Variants in CRYAB observed in about 807,000 individuals in gnomAD.
CRYAB encodes the protein crystallin alpha B.
Under a neutral mutation model 12.7 loss-of-function variants are expected in CRYAB, and 9 were observed. The ratio of observed to expected loss-of-function variants is 0.71; its 90% CI spans 0.43 to 1.24. The LOEUF is 1.24. Ranked by LOEUF, CRYAB falls within the 50% of genes most tolerant of loss-of-function variation. The pLI is 0.00. For missense variants in CRYAB, 183 were observed against 226.6 expected (o/e 0.81, Z 1.24); for synonymous variants, 93 against 86.8 (o/e 1.07, Z -0.40).
At chr11:111,921,143 T>A (rs1309861514) in intron 1 of CRYAB, among the ~76,000 whole-genome samples, 1 of 152,238 alleles carries the variant, frequency 6.6e-6, no homozygotes, top group Non-Finnish European at 1.5e-5. Context: ...TCATTATATT[T>A]AGATAGACAA....
At chr11:111,911,376 A>C in intron 1 of CRYAB, 148 bp downstream of exon 1, 1 of 728,894 alleles carries the variant, frequency 1.4e-6, no homozygotes, top group East Asian at 2.7e-5. Context: ...ATGGGGGAGG[A>C]AGGCACTAGC....
chr11:111,922,803 G>A lies in CRYAB; in HGVS notation c.-199+900C>T, dbSNP rs946574578. Among the ~76,000 whole-genome samples, 13 of 152,292 alleles carry A rather than the reference G, an allele frequency of 8.5e-5. No individual in the cohort carries two copies. In the East Asian group the frequency reaches 2.5e-3, roughly 29 times the overall value. On this transcript the variant is annotated intron_variant, in intron 1 of 3. Coordinates refer to the CRYAB transcript ENST00000527950. ...TAATTATTTCTTAGGATATGGAATT[G>A]CTACATCAGAGGGTATACACATTTA...
At chr11:111,915,240 A>G (rs782439796), upstream of CRYAB, among the ~76,000 whole-genome samples, 75 of 152,232 alleles carry the variant, frequency 4.9e-4, no homozygotes, top group Admixed American at 1.2e-3. Flanking sequence ...CTTAAGACCC[A>G]TTCACATACC....
At chr11:111,923,498 G>A (rs1309016832) in intron 1 of CRYAB, among the ~76,000 whole-genome samples, 2 of 152,178 alleles carry the variant, frequency 1.3e-5, no homozygotes, top group Non-Finnish European at 2.9e-5. Flanking sequence ...GGCAAGAGTT[G>A]GAAATGTACT....
intron 1 of CRYAB, chr11:111,910,796 C>T: frequency 2.6e-6 from 1 of 377,752 alleles, no homozygotes; most frequent in Non-Finnish European, 5.0e-6. Flanking sequence ...AAGGCCTCTT[C>T]TTCTGGCTCA....
chr11:111,908,878 T>C lies in CRYAB; in HGVS notation c.414A>G (p.Ser138=). ...VDPLTITSSL[S]SDGVLTVNGP... ...CATTCACAGTGAGGACCCCATCAGA[T>C]GACAGGGATGAAGTAATGGTGAGAG... The change falls in exon 3 of 3, where the codon TCA becomes TCG. Residue 138 remains serine, a synonymous_variant. Coordinates refer to ENST00000650687, the MANE Select transcript of CRYAB (RefSeq NM_001289808.2). The C allele has an allele frequency of 2.5e-6, 4 of 1,614,114 alleles. No individual in the cohort carries two copies. The highest frequency in any genetic ancestry group is 3.4e-6 in the Non-Finnish European group (4 of 1,180,020).
intron 1 of CRYAB, chr11:111,918,661 G>A (rs1555166252): frequency 2.9e-6 from 2 of 680,868 alleles, no homozygotes; most frequent in Admixed American, 4.1e-5. Context: ...GAAACCAAGA[G>A]CCCTTTTCTA....
chr11:111,913,186 C>A, upstream of CRYAB: 2 of 605,512 alleles, frequency 3.3e-6, no homozygotes, highest in Admixed American at 3.0e-5. Flanking sequence ...CTTCTATCCA[C>A]CCAGGCCGTT....
upstream of CRYAB, chr11:111,913,926 T>C: frequency 6.4e-7 from 1 of 1,558,528 alleles, no homozygotes; most frequent in Non-Finnish European, 8.7e-7. Flanking sequence ...AGCAAATCCC[T>C]CTCTACCTCC....
chr11:111,918,569 C>G (rs1965632705), intron 1 of CRYAB: 5 of 549,180 alleles, frequency 9.1e-6, no homozygotes, highest in Non-Finnish European at 1.3e-5. Flanking sequence ...TGGTGCTGAG[C>G]AAACTACTAC....
At position 111,909,073 on chromosome 11, in the gene CRYAB, C is replaced by T. The variant is rs1227044866; in HGVS notation, c.325-106G>A. ...TTTCCCCTTAGGTGAGACCAAATGC[C>T]ATGACAACATAGGAAAAATAAATAG... On this transcript the variant is annotated intron_variant, in intron 2 of 2. Coordinates refer to ENST00000650687, the MANE Select transcript of CRYAB (RefSeq NM_001289808.2). The T allele has an allele frequency of 6.3e-6, 7 of 1,105,198 alleles. No individual in the cohort carries two copies. In the African/African-American group the frequency reaches 9.2e-5, roughly 15 times the overall value. The allele number at this position is 1,105,198 out of a possible 1,614,324, so 68.5% of individuals were successfully genotyped here. A position where few individuals can be genotyped will look rare whatever the true frequency, so the allele number is the denominator to read the frequency against.
upstream of CRYAB, chr11:111,913,508 CCCAGCTGGGGA>C (rs754003263): frequency 6.2e-7 from 1 of 1,614,002 alleles, no homozygotes; most frequent in Non-Finnish European, 8.5e-7. Flanking sequence ...CTCGGGCCGC[CCCAGCTGGGGA>C]GGGCAGCAGG....
chr11:111,909,892 T>A, intron 2 of CRYAB: 1 of 490,764 alleles, frequency 2.0e-6, no homozygotes, highest in Admixed American at 3.5e-5. Flanking sequence ...GACTGTAGAT[T>A]AGAATTACCT....
At chr11:111,912,773 C>T, upstream of CRYAB, 1 of 1,315,832 alleles carries the variant, frequency 7.6e-7, no homozygotes. Context: ...CTGGAGGGGT[C>T]GCGCTGCGCC....
At chr11:111,921,814 G>A (rs782683973) in intron 1 of CRYAB, among the ~76,000 whole-genome samples, 3 of 151,710 alleles carry the variant, frequency 2.0e-5, no homozygotes, top group Non-Finnish European at 4.4e-5. Context: ...AATCCCATGA[G>A]GTCTGAATTA....
rs1000403837 is a variant in CRYAB at position 111,918,856 on chromosome 11, A to T, written c.-199+4847T>A. 3.3e-6 allele frequency: 4 copies of T among 1,227,122 alleles called. No individual in the cohort carries two copies. In the South Asian group the frequency reaches 3.8e-5, roughly 12 times the overall value. 76.0% of individuals were successfully genotyped at this position (1,227,122 alleles called of 1,614,324 possible). ...TTCAAAAGTCCAACCTGCTAGGTTG[A>T]AATCTGACACTGACACAGACTCCGG... is the stretch of plus-strand genomic sequence containing the variant. On this transcript the variant is annotated intron_variant, in intron 1 of 3. Coordinates refer to the CRYAB transcript ENST00000527950.
chr11:111,918,601 G>A lies in CRYAB; in HGVS notation c.-199+5102C>T. 5 of 646,316 alleles carry A rather than the reference G, an allele frequency of 7.7e-6. 1 individual carries two copies. Among genetic ancestry groups the A allele is most frequent in the South Asian group, 6.7e-5 (4 of 60,090 alleles). 40.0% of individuals were successfully genotyped at this position (646,316 alleles called of 1,614,324 possible). On this transcript the variant is annotated intron_variant, in intron 1 of 3. Coordinates refer to the CRYAB transcript ENST00000527950. Reference sequence around the variant, plus strand: ...CTACATTAGGCACTCATCTATTATAGAGGATATATTTCAAAGACAGAGTGA... The same window carrying A: ...CTACATTAGGCACTCATCTATTATAAAGGATATATTTCAAAGACAGAGTGA...
chr11:111,913,241 C>T (rs1555165830), upstream of CRYAB: 54 of 618,234 alleles, frequency 8.7e-5, 1 homozygote, highest in South Asian at 1.0e-3. Context: ...TCCTCCTCCT[C>T]CTCCCTTTCC....
upstream of CRYAB, chr11:111,913,747 C>T: frequency 1.2e-6 from 2 of 1,614,196 alleles, no homozygotes; most frequent in Non-Finnish European, 8.5e-7. Flanking sequence ...CGAGTCCGAG[C>T]TGCTCTCTCC....
Sources: gnomAD v4.1 joint callset for allele counts (sites outside exome capture counted in the v4.1 genomes callset) on GRCh38, gnomAD v4.1.1 for gene constraint, MANE v1.5 for transcripts, NCBI Gene and HGNC (gene_info 2026-07-23, HGNC 2026-07-21) for gene names.